Variants in PPP1R13B observed in about 807,000 individuals in gnomAD.
PPP1R13B encodes the protein protein phosphatase 1 regulatory subunit 13B.
In PPP1R13B, 44 loss-of-function variants were observed where a neutral mutation model predicts 119.8. The observed-to-expected ratio is 0.37, with a 90% CI of 0.29 to 0.47. The LOEUF (loss-of-function observed/expected upper bound fraction) is 0.47. PPP1R13B is among the 20% of genes least tolerant of loss of function. The pLI is 0.99. For missense variants in PPP1R13B, 1,227 were observed against 1,413.5 expected, an observed-to-expected ratio of 0.87 and a Z score of 2.12; for synonymous variants, 542 against 561.5, an observed-to-expected ratio of 0.97 and a Z score of 0.49.
chr14:103,814,187 A>C (rs1353555072), intron 1 of PPP1R13B, among the ~76,000 whole-genome samples: 1 of 152,100 alleles, frequency 6.6e-6, no homozygotes, highest in Non-Finnish European at 1.5e-5. Flanking sequence ...CGTCTCTACT[A>C]AAAATACAAA....
At position 103,738,684 on chromosome 14, in the gene PPP1R13B, A is replaced by G. The variant is rs201100541; in HGVS notation, c.2859T>C (p.Asp953=). ...CACACTCCTACGGGCCTCACCATCC[A>G]TCACTATCAGCAGCATTCACGTTGA... The part of the protein sequence containing the change: ...FGVNVNAADS[D]GWTPLHCAAS... The change falls in exon 14 of 17, where the codon GAT becomes GAC. Residue 953 remains aspartate, a synonymous_variant. Coordinates refer to ENST00000202556, the MANE Select transcript of PPP1R13B (RefSeq NM_015316.3). This position sits in a 1 kb window ranked among gnomAD's most constrained non-coding sequence, Gnocchi z 5.6. The G allele has an allele frequency of 1.9e-6, 3 of 1,614,224 alleles. No homozygotes were observed. The highest frequency in any genetic ancestry group is 4.5e-5 in the East Asian group (2 of 44,884).
At chr14:103,788,346 A>T (rs2085522158) in intron 2 of PPP1R13B, among the ~76,000 whole-genome samples, 1 of 152,162 alleles carries the variant, frequency 6.6e-6, no homozygotes, top group African/African-American at 2.4e-5. Flanking sequence ...TCTGTGTTGA[A>T]CATTCCAAAA....
chr14:103,808,069 C>T (rs2086060089), intron 1 of PPP1R13B, among the ~76,000 whole-genome samples: 1 of 151,646 alleles, frequency 6.6e-6, no homozygotes, highest in Non-Finnish European at 1.5e-5. Context: ...GGCGAAACCC[C>T]ATCTCTACTA....
intron 1 of PPP1R13B, chr14:103,818,491 A>C: frequency 1.0e-6 from 1 of 982,732 alleles, no homozygotes; most frequent in Non-Finnish European, 1.2e-6. Context: ...CTGTTTTCAC[A>C]CAGGGAGAAG....
Position 103,767,823 on chromosome 14 carries a change from T to C in PPP1R13B, c.355-10072A>G, listed in dbSNP as rs113659041. Among the ~76,000 whole-genome samples the C allele has an allele frequency of 6.0e-3, 920 of 152,328 alleles. 13 individuals are homozygous for C. The highest frequency in any genetic ancestry group is 0.021 in the African/African-American group (884 of 41,566). ...TATCTTTGTGGAATCCTCTGATTCTTTCTTTTGGGAAGTATTGCCCAACAT... is the reference window on the plus strand; with the variant it reads ...TATCTTTGTGGAATCCTCTGATTCTCTCTTTTGGGAAGTATTGCCCAACAT... On this transcript the variant is annotated intron_variant, in intron 4 of 16. Transcript: ENST00000202556.
chr14:103,742,874 C>T lies in PPP1R13B; in HGVS notation c.1151-51G>A, dbSNP rs780034460. The T allele has an allele frequency of 1.9e-6, 3 of 1,593,852 alleles. No homozygotes were observed. The highest frequency in any genetic ancestry group is 2.2e-5 in the South Asian group (2 of 89,210). ...AAAACTTTTCTCAATGTAGTTGAAC[C>T]AACCTAAGAATAACACTCTGCCAGA... is the stretch of plus-strand genomic sequence containing the variant. On this transcript the variant is annotated intron_variant, in intron 9 of 16. Coordinates refer to ENST00000202556, the MANE Select transcript of PPP1R13B (RefSeq NM_015316.3). The surrounding 1 kb of genome is among the most constrained non-coding windows in gnomAD (Gnocchi z 4.9).
chr14:103,746,255 G>C (rs1258560912), intron 9 of PPP1R13B, 118 bp downstream of exon 9: 1 of 1,064,738 alleles, frequency 9.4e-7, no homozygotes. Context: ...ACTGAGCCTG[G>C]AGTCTGACGA....
In PPP1R13B at chr14:103,824,038, CCTTT is replaced by C. The variant is rs1259719620; in HGVS notation, c.9+23257_9+23260del. Among the ~76,000 whole-genome samples the C allele has an allele frequency of 2.8e-3, 365 of 129,610 alleles. 1 individual carries two copies. Among genetic ancestry groups the C allele is most frequent in the Admixed American group, 4.2e-3 (52 of 12,252 alleles). The allele number at this position is 129,610 out of a possible 152,430, so 85.0% of individuals were successfully genotyped here. On this transcript the variant is annotated intron_variant, in intron 1 of 16. Transcript: ENST00000202556. ...TCAGCTGAAAAACATTCTACCTCAT[CCTTT>C]TTTTTTTTTTTTTTTTTTTTTTGAG...
At chr14:103,829,254 A>C (rs2086616129) in intron 1 of PPP1R13B, among the ~76,000 whole-genome samples, 1 of 152,190 alleles carries the variant, frequency 6.6e-6, no homozygotes, top group South Asian at 2.1e-4. Flanking sequence ...CGAACAAGGA[A>C]ACTAGTTACC....
At chr14:103,772,674 T>G (rs558560580) in intron 4 of PPP1R13B, among the ~76,000 whole-genome samples, 1 of 145,178 alleles carries the variant, frequency 6.9e-6, no homozygotes, top group East Asian at 2.0e-4. Flanking sequence ...TGTTTCTTTT[T>G]CTTTTTTTTT....
At chr14:103,783,084 G>A (rs1220634568) in intron 3 of PPP1R13B, among the ~76,000 whole-genome samples, 1 of 151,998 alleles carries the variant, frequency 6.6e-6, no homozygotes, top group Non-Finnish European at 1.5e-5. Context: ...GGGATTATAG[G>A]TGGGAACCAG....
intron 1 of PPP1R13B, 85 bp from the exon 2 acceptor site, chr14:103,797,603 A>AC (rs1208759985): frequency 5.1e-6 from 3 of 591,456 alleles, no homozygotes; most frequent in African/African-American, 5.8e-5. Context: ...CCCTCTACCC[A>AC]CCCCCCGCCC....
chr14:103,805,814 C>G (rs574060949), intron 1 of PPP1R13B, among the ~76,000 whole-genome samples: 1 of 152,134 alleles, frequency 6.6e-6, no homozygotes, highest in Non-Finnish European at 1.5e-5. Context: ...ATATGAAATG[C>G]CCAAAACAGT....
At chr14:103,750,109 G>A (rs113746990) in intron 7 of PPP1R13B, among the ~76,000 whole-genome samples, 175 bp from the exon 8 acceptor site, 1,597 of 152,326 alleles carry the variant, frequency 0.01, 20 homozygotes, top group African/African-American at 0.027. Flanking sequence ...CCAGGACAGC[G>A]TTCTCATGGA....
intron 1 of PPP1R13B, among the ~76,000 whole-genome samples, chr14:103,819,579 T>C (rs2086360022): frequency 6.7e-6 from 1 of 148,814 alleles, no homozygotes; most frequent in African/African-American, 2.5e-5. Flanking sequence ...AATATAAAAA[T>C]CCAGGAGAGA....
intron 2 of PPP1R13B, among the ~76,000 whole-genome samples, chr14:103,792,618 A>G (rs930551047): frequency 5.9e-5 from 9 of 152,258 alleles, no homozygotes; most frequent in South Asian, 2.1e-4. Context: ...TAAATAAATA[A>G]AAGGATTGTC....
At chr14:103,818,924 CTG>C (rs1236522709) in intron 1 of PPP1R13B, among the ~76,000 whole-genome samples, 1 of 152,014 alleles carries the variant, frequency 6.6e-6, no homozygotes, top group Non-Finnish European at 1.5e-5. Context: ...ACAAAGAAGA[CTG>C]GGAATGGGGC....
intron 1 of PPP1R13B, among the ~76,000 whole-genome samples, chr14:103,820,652 A>ATTTTT (rs35928276): frequency 7.5e-4 from 77 of 102,602 alleles, no homozygotes; most frequent in African/African-American, 1.2e-3. Flanking sequence ...CATGCCCAGG[A>ATTTTT]TTTTTTTTTT....
chr14:103,746,291 T>TGGGGGGGGGGGGGGGGCGGGGGGGGGG, intron 9 of PPP1R13B, 82 bp downstream of exon 9: 1 of 272,100 alleles, frequency 3.7e-6, no homozygotes, highest in Non-Finnish European at 7.5e-6. Context: ...CTCAGGAGCC[T>TGGGGGGGGGGGGGGGGCGGGGGGGGGG]GCCCCACCCC....
Sources: gnomAD v4.1 joint callset for allele counts (sites outside exome capture counted in the v4.1 genomes callset) on GRCh38, gnomAD v4.1.1 for gene constraint, Gnocchi (gnomAD v3.1) non-coding constraint, MANE v1.5 for transcripts, NCBI Gene and HGNC (gene_info 2026-07-23, HGNC 2026-07-21) for gene names.